The following STAMBP variants were observed in gnomAD, a reference collection of about 807,000 sequenced individuals.
STAMBP encodes the protein STAM binding protein, also known as STAM-binding protein.
STAMBP carries 31 observed loss-of-function variants against 50.7 expected under a neutral mutation model. The observed-to-expected ratio is 0.61, with a 90% confidence interval of 0.46 to 0.83. The LOEUF (loss-of-function observed/expected upper bound fraction) is 0.83, where lower values mean the gene tolerates loss of function less well. Among genes scored for constraint, STAMBP ranks in the 40% least tolerant of loss-of-function variants. The pLI is 0.00. For missense variants in STAMBP, 472 were observed against 518.9 expected, an observed-to-expected ratio of 0.91 and a Z score of 0.88; for synonymous variants, 211 against 192.4, an observed-to-expected ratio of 1.10 and a Z score of -0.80.
In STAMBP at chr2:73,843,425, T is replaced by TATATATATATATATATATATATAC. The variant is rs1675685158; in HGVS notation, c.204-1379_204-1378insTATATATATATATACATATATATA. 4.8e-5 allele frequency among the ~76,000 whole-genome samples: 7 copies of TATATATATATATATATATATATAC among 146,464 alleles called. No homozygotes were observed. The South Asian group carries it at 1.0e-3, about 22-fold the overall frequency. On this transcript the variant is annotated intron_variant, in intron 2 of 9. Transcript: ENST00000394070. ...GTGTATGTATATATATATATGTATA[T>TATATATATATATATATATATATAC]ATATATATAAATTAAAAAATATAAA...
chr2:73,844,868 GA>G lies in STAMBP; in HGVS notation c.263del (p.Lys88ArgfsTer5). The G allele has an allele frequency of 6.2e-7, 1 of 1,613,906 alleles. No homozygotes were observed. The highest frequency in any genetic ancestry group is 8.5e-7 in the Non-Finnish European group (1 of 1,179,966). Reference protein sequence around the residue: ...HRDYKSAVIPEKKDTVKKLKE... With the variant: ...HRDYKSAVIPXKKDTVKKLKE... ...AGATTACAAATCTGCTGTCATTCCT[GA>G]AAAGAAAGACACAGTAAAGGTGGGT... On this transcript the variant is annotated frameshift_variant, in exon 3 of 10. Transcript: ENST00000394070. LOFTEE classifies it high-confidence loss of function.
intron 7 of STAMBP, among the ~76,000 whole-genome samples, chr2:73,854,381 C>G (rs1677279165): frequency 1.3e-5 from 2 of 152,140 alleles, no homozygotes; most frequent in South Asian, 4.1e-4. Flanking sequence ...TAGAACTTAG[C>G]TACAAATGAA....
At position 73,866,512 on chromosome 2, in the gene STAMBP, C is replaced by A. The variant is rs1381229594; in HGVS notation, c.*4253C>A. On this transcript the variant is annotated 3_prime_UTR_variant, in exon 10 of 10. Transcript: ENST00000394070. ...CCTTGCAGTCAGTATAGGCACTTAACCTTATTGATCAGTTGTTCCTTGGTG... is the reference window on the plus strand; with the variant it reads ...CCTTGCAGTCAGTATAGGCACTTAAACTTATTGATCAGTTGTTCCTTGGTG... 6.6e-6 allele frequency: 1 copy of A among 152,198 alleles called. No homozygotes were observed. The highest frequency in any genetic ancestry group is 1.5e-5 in the Non-Finnish European group (1 of 68,044). The allele number at this position is 152,198 out of a possible 1,614,324, so 9.4% of individuals were successfully genotyped here.
chr2:73,831,019 A>G lies in STAMBP; in HGVS notation c.163A>G (p.Asn55Asp). Residue 55 changes from asparagine to aspartate, a missense_variant, in exon 2 of 10, where the codon AAC (asparagine) becomes GAC (aspartate). Coordinates refer to ENST00000394070, the MANE Select transcript of STAMBP (RefSeq NM_213622.4). ...GGCATCCATTTACTCTGAGGAAGGC[A>G]ACATTGAACATGCCTTCATCCTCTA... The part of the protein sequence containing the change: ...RMASIYSEEG[N>D]IEHAFILYNK... 1 of 1,614,258 alleles carries G rather than the reference A, an allele frequency of 6.2e-7. No individual in the cohort carries two copies. The highest frequency in any genetic ancestry group is 8.5e-7 in the Non-Finnish European group (1 of 1,180,036).
At chr2:73,833,116 G>A (rs1674168396) in intron 2 of STAMBP, among the ~76,000 whole-genome samples, 1 of 152,204 alleles carries the variant, frequency 6.6e-6, no homozygotes, top group Admixed American at 6.5e-5. Flanking sequence ...TACAGAAATA[G>A]CCTGATTGGC....
chr2:73,861,401 G>GGTAGTAATGAGT (rs1460288919), intron 9 of STAMBP, among the ~76,000 whole-genome samples: 4 of 152,082 alleles, frequency 2.6e-5, no homozygotes, highest in African/African-American at 9.7e-5. Context: ...TGGGACTGGT[G>GGTAGTAATGAGT]GTAGTAATGA....
chr2:73,834,236 A>AATATAT (rs148699255), intron 2 of STAMBP, among the ~76,000 whole-genome samples: 11 of 36,388 alleles, frequency 3.0e-4, no homozygotes, highest in African/African-American at 1.8e-3. Context: ...AAAAAAAAAA[A>AATATAT]ATATATATAT....
intron 5 of STAMBP, 75 bp from the exon 6 acceptor site, chr2:73,849,288 G>C: frequency 6.2e-7 from 1 of 1,608,224 alleles, no homozygotes; most frequent in South Asian, 1.1e-5. Flanking sequence ...TGCTCCTCCA[G>C]GGCTGCTGGC....
chr2:73,848,793 CA>C (rs1161258883), intron 5 of STAMBP, among the ~76,000 whole-genome samples: 1 of 152,184 alleles, frequency 6.6e-6, no homozygotes, highest in Non-Finnish European at 1.5e-5. Context: ...CAAACCACAG[CA>C]GGGAGGTTAT....
intron 2 of STAMBP, among the ~76,000 whole-genome samples, chr2:73,842,605 G>T (rs560570935): frequency 6.6e-6 from 1 of 152,282 alleles, no homozygotes; most frequent in African/African-American, 2.4e-5. Flanking sequence ...TAGAAGTCTG[G>T]TGTTTTTGTG....
chr2:73,840,837 C>T (rs1389126116), intron 2 of STAMBP, among the ~76,000 whole-genome samples: 1 of 151,434 alleles, frequency 6.6e-6, no homozygotes, highest in Non-Finnish European at 1.5e-5. Flanking sequence ...AATTAGCTTC[C>T]ATTTTCCCTC....
At chr2:73,873,105 G>C (rs1679264123) in intron 10 of STAMBP, among the ~76,000 whole-genome samples, 1 of 152,220 alleles carries the variant, frequency 6.6e-6, no homozygotes, top group Admixed American at 6.5e-5. Flanking sequence ...GAGACACCGG[G>C]TTGTCTGCTA....
chr2:73,832,007 T>C (rs1345725192), intron 2 of STAMBP, among the ~76,000 whole-genome samples: 4 of 151,098 alleles, frequency 2.6e-5, no homozygotes, highest in African/African-American at 7.3e-5. Context: ...TCAGAGGTAG[T>C]CTTTTGAGAT....
intron 2 of STAMBP, among the ~76,000 whole-genome samples, chr2:73,838,912 G>C: frequency 6.6e-6 from 1 of 152,086 alleles, no homozygotes; most frequent in East Asian, 1.9e-4. Context: ...TCTGTGAACA[G>C]AAAATCACAG....
At chr2:73,844,987 C>A (rs1675880218) in intron 3 of STAMBP, 99 bp downstream of exon 3, 1 of 1,535,600 alleles carries the variant, frequency 6.5e-7, no homozygotes. Context: ...AGTACCAGAT[C>A]CTGCAATAGG....
chr2:73,832,811 AG>A (rs1310562056), intron 2 of STAMBP, among the ~76,000 whole-genome samples: 2 of 152,204 alleles, frequency 1.3e-5, no homozygotes, highest in African/African-American at 4.8e-5. Flanking sequence ...ATGTTCTCCC[AG>A]GGGCAGAATC....
chr2:73,834,067 C>G (rs929277324), intron 2 of STAMBP, among the ~76,000 whole-genome samples: 5 of 150,602 alleles, frequency 3.3e-5, no homozygotes. Flanking sequence ...AAAAATTAGC[C>G]TGGTGTGGTG....
intron 2 of STAMBP, among the ~76,000 whole-genome samples, chr2:73,839,666 T>A (rs1367567930): frequency 4.6e-5 from 7 of 152,284 alleles, no homozygotes; most frequent in Admixed American, 1.3e-4. Flanking sequence ...ATTTAAAAAA[T>A]TTTTCAAACA....
In STAMBP at chr2:73,866,223, G is replaced by C; in HGVS notation, c.*3964G>C. The C allele has an allele frequency of 6.6e-6, 1 of 152,340 alleles. No individual in the cohort carries two copies. The highest frequency in any genetic ancestry group is 1.5e-5 in the Non-Finnish European group (1 of 68,074). 9.4% of individuals were successfully genotyped at this position (152,340 alleles called of 1,614,324 possible). On this transcript the variant is annotated 3_prime_UTR_variant, in exon 10 of 10. Transcript: ENST00000394070. Reference sequence around the variant, plus strand: ...TCATTCAATCAGCCTGTTAGATCCAGAATCCAGCACTGTGACGCTACATAA... The same window carrying C: ...TCATTCAATCAGCCTGTTAGATCCACAATCCAGCACTGTGACGCTACATAA...
Sources: allele counts gnomAD v4.1 joint callset (sites outside exome capture counted in the v4.1 genomes callset), GRCh38; gene constraint gnomAD v4.1.1; transcripts MANE v1.5; gene names NCBI Gene and HGNC (gene_info 2026-07-23, HGNC 2026-07-21).